The following DENND1A variants were observed in gnomAD, a reference collection of about 807,000 sequenced individuals.
The protein encoded by DENND1A is DENN domain-containing protein 1A.
Under a neutral mutation model 113.7 loss-of-function variants are expected in DENND1A, and 51 were observed. That is an observed-to-expected ratio of 0.45 (90% confidence interval 0.36 to 0.57). The LOEUF (loss-of-function observed/expected upper bound fraction) is 0.57, where lower values mean the gene tolerates loss of function less well. DENND1A is among the 20% of genes least tolerant of loss of function. The pLI is 0.00. For synonymous variants in DENND1A, 565 were observed against 570.8 expected (o/e 0.99, Z 0.14); for missense variants, 1,258 against 1,395.9 (o/e 0.90, Z 1.57).
At chr9:123,713,507 A>G (rs2066768124) in intron 5 of DENND1A, among the ~76,000 whole-genome samples, 1 of 152,224 alleles carries the variant, frequency 6.6e-6, no homozygotes, top group Admixed American at 6.5e-5. Context: ...GCACAGGACC[A>G]CTGGTTAGGT....
At chr9:123,848,238 A>G in intron 2 of DENND1A, among the ~76,000 whole-genome samples, 1 of 132,098 alleles carries the variant, frequency 7.6e-6, no homozygotes, top group South Asian at 2.4e-4. Context: ...TAAAAAAAAA[A>G]AAAAAAAAAA....
At chr9:123,784,465 A>G (rs535978274) in intron 3 of DENND1A, among the ~76,000 whole-genome samples, 1 of 152,254 alleles carries the variant, frequency 6.6e-6, no homozygotes, top group Admixed American at 6.5e-5. Context: ...AAAATAATGA[A>G]CAGGACTTGT....
intron 2 of DENND1A, among the ~76,000 whole-genome samples, chr9:123,861,948 C>T (rs765189619): frequency 1.3e-5 from 2 of 152,152 alleles, no homozygotes; most frequent in Non-Finnish European, 2.9e-5. Flanking sequence ...CTTTCCTTTC[C>T]AAATATGCCC....
intron 13 of DENND1A, among the ~76,000 whole-genome samples, chr9:123,535,452 G>A (rs10818829): frequency 0.37 from 56,735 of 151,682 alleles, 11,561 homozygotes; most frequent in African/African-American, 0.54. Flanking sequence ...CTCTAAAAAA[G>A]CCCCCAACGA....
intron 13 of DENND1A, among the ~76,000 whole-genome samples, chr9:123,498,686 T>C (rs575179679): frequency 1.1e-4 from 16 of 151,558 alleles, no homozygotes; most frequent in African/African-American, 3.1e-4. Context: ...CCTTATTAGA[T>C]GCAATTTTGG....
At chr9:123,525,856 T>G (rs1347713554) in intron 13 of DENND1A, among the ~76,000 whole-genome samples, 1 of 148,570 alleles carries the variant, frequency 6.7e-6, no homozygotes, top group Non-Finnish European at 1.5e-5. Context: ...CCTCCCAGGC[T>G]CCAGTGATTC....
At chr9:123,575,972 C>CA (rs974447313) in intron 12 of DENND1A, among the ~76,000 whole-genome samples, 2 of 152,168 alleles carry the variant, frequency 1.3e-5, no homozygotes, top group Admixed American at 6.5e-5. Flanking sequence ...TAAAAACCAA[C>CA]ATAGTTGAAT....
At chr9:123,443,199 T>C (rs1419699094) in intron 18 of DENND1A, among the ~76,000 whole-genome samples, 2 of 152,090 alleles carry the variant, frequency 1.3e-5, no homozygotes, top group Non-Finnish European at 2.9e-5. Flanking sequence ...TGCCATATCA[T>C]CCCATAACGA....
intron 10 of DENND1A, among the ~76,000 whole-genome samples, chr9:123,619,088 A>C (rs1249028877): frequency 6.6e-6 from 1 of 152,100 alleles, no homozygotes; most frequent in Non-Finnish European, 1.5e-5. Context: ...CTGGGATTAC[A>C]GGCACACGCC....
At chr9:123,527,927 C>T (rs2054981104) in intron 13 of DENND1A, among the ~76,000 whole-genome samples, 1 of 152,238 alleles carries the variant, frequency 6.6e-6, no homozygotes, top group African/African-American at 2.4e-5. Flanking sequence ...TGTTCCTCAT[C>T]TGTAAAACTG....
chr9:123,602,327 G>A (rs1406076088), intron 11 of DENND1A, among the ~76,000 whole-genome samples: 1 of 151,950 alleles, frequency 6.6e-6, no homozygotes, highest in Non-Finnish European at 1.5e-5. Context: ...TACAAAAATA[G>A]CCAATACCAT....
At chr9:123,577,894 G>A (rs1193318072) in intron 12 of DENND1A, among the ~76,000 whole-genome samples, 1 of 152,110 alleles carries the variant, frequency 6.6e-6, no homozygotes, top group African/African-American at 2.4e-5. Flanking sequence ...AGCTAATTTA[G>A]ATGTACTATC....
intron 17 of DENND1A, 96 bp downstream of exon 17, chr9:123,452,180 C>A (rs117840882): frequency 1.7e-6 from 2 of 1,209,168 alleles, no homozygotes; most frequent in East Asian, 2.4e-5. Flanking sequence ...GGCAACAGAG[C>A]AAGACCCAGT....
intron 13 of DENND1A, among the ~76,000 whole-genome samples, chr9:123,530,418 TA>T (rs985133050): frequency 1.3e-5 from 2 of 152,054 alleles, no homozygotes; most frequent in African/African-American, 2.4e-5. Flanking sequence ...AAAAGGAAAA[TA>T]ATTGTCAATG....
intron 13 of DENND1A, among the ~76,000 whole-genome samples, chr9:123,542,784 G>A (rs1283970684): frequency 6.6e-6 from 1 of 152,150 alleles, no homozygotes; most frequent in Admixed American, 6.5e-5. Flanking sequence ...CTGTGGTCAA[G>A]TGACCCTGGC....
At chr9:123,516,147 CA>C in intron 13 of DENND1A, among the ~76,000 whole-genome samples, 1 of 84,678 alleles carries the variant, frequency 1.2e-5, no homozygotes, top group South Asian at 3.4e-4. Flanking sequence ...CACACACACA[CA>C]CACACACAAA....
At chr9:123,417,307 A>C (rs1186427521) in intron 19 of DENND1A, among the ~76,000 whole-genome samples, 1 of 152,236 alleles carries the variant, frequency 6.6e-6, no homozygotes, top group African/African-American at 2.4e-5. Context: ...TGCTATCAGC[A>C]AGGTTCTGTT....
intron 1 of DENND1A, among the ~76,000 whole-genome samples, chr9:123,895,379 G>A (rs1162672222): frequency 1.3e-5 from 2 of 152,138 alleles, no homozygotes; most frequent in South Asian, 4.1e-4. Flanking sequence ...CCAGCACTAT[G>A]AGAGGCCAAG....
chr9:123,879,722 T>C (rs1227128453), intron 1 of DENND1A, among the ~76,000 whole-genome samples: 1 of 152,060 alleles, frequency 6.6e-6, no homozygotes, highest in East Asian at 1.9e-4. Context: ...CAGCACAAAT[T>C]AGCCCTCTCC....
Sources: gnomAD v4.1 joint callset for allele counts (sites outside exome capture counted in the v4.1 genomes callset) on GRCh38, gnomAD v4.1.1 for gene constraint, MANE v1.5 for transcripts, NCBI Gene and HGNC (gene_info 2026-07-23, HGNC 2026-07-21) for gene names.